Variants in RALYL observed in about 807,000 individuals in gnomAD.
RALYL encodes RNA-binding Raly-like protein.
Under a neutral mutation model 35.1 loss-of-function variants are expected in RALYL, and 29 were observed. The ratio of observed to expected loss-of-function variants is 0.83; its 90% CI spans 0.61 to 1.13. The LOEUF (loss-of-function observed/expected upper bound fraction) is 1.13, where lower values mean the gene tolerates loss of function less well. RALYL is among the 50% of genes most tolerant of loss of function. RALYL has a pLI of 0.00. For missense variants in RALYL, 359 were observed against 360.4 expected, an observed-to-expected ratio of 1.00 and a Z score of 0.03; for synonymous variants, 120 against 127.6, an observed-to-expected ratio of 0.94 and a Z score of 0.40.
intron 1 of RALYL, among the ~76,000 whole-genome samples, chr8:84,330,755 A>AATC (rs1846654791): frequency 6.6e-6 from 1 of 152,058 alleles, no homozygotes; most frequent in African/African-American, 2.4e-5. Context: ...CTTCAATCAT[A>AATC]CTTTTTCAAA....
intron 8 of RALYL, among the ~76,000 whole-genome samples, chr8:84,895,657 C>T (rs1178496031): frequency 6.6e-6 from 1 of 152,026 alleles, no homozygotes; most frequent in African/African-American, 2.4e-5. Context: ...GGATTACAGG[C>T]ACCCACCACC....
At chr8:84,819,009 G>A (rs1233240873) in intron 4 of RALYL, among the ~76,000 whole-genome samples, 1 of 152,016 alleles carries the variant, frequency 6.6e-6, no homozygotes, top group Admixed American at 6.6e-5. Flanking sequence ...CTAACATCAC[G>A]GAATTACTAA....
At chr8:84,215,726 G>A (rs994515265) in intron 1 of RALYL, among the ~76,000 whole-genome samples, 3 of 151,936 alleles carry the variant, frequency 2.0e-5, no homozygotes, top group African/African-American at 7.3e-5. Flanking sequence ...AGGTTTGGTT[G>A]GCTTTAGTGA....
chr8:84,397,708 T>C (rs957743661), intron 1 of RALYL, among the ~76,000 whole-genome samples: 1 of 152,198 alleles, frequency 6.6e-6, no homozygotes, highest in African/African-American at 2.4e-5. Context: ...AATTTAGGTG[T>C]TTCTTCAACT....
chr8:84,764,875 A>G (rs967050269), intron 2 of RALYL, among the ~76,000 whole-genome samples: 2 of 152,182 alleles, frequency 1.3e-5, no homozygotes, highest in African/African-American at 4.8e-5. Context: ...AAACAACAAC[A>G]TTAGAAAGCT....
intron 1 of RALYL, among the ~76,000 whole-genome samples, chr8:84,353,455 T>C (rs1445565546): frequency 1.3e-5 from 2 of 150,496 alleles, no homozygotes; most frequent in Non-Finnish European, 3.0e-5. Context: ...CTATTTTCAA[T>C]CACAAGACTA....
chr8:84,429,519 A>G (rs1042543747), intron 1 of RALYL, among the ~76,000 whole-genome samples: 2 of 152,052 alleles, frequency 1.3e-5, no homozygotes, highest in Non-Finnish European at 2.9e-5. Context: ...CCAAGTCCAC[A>G]TTATATTTTT....
intron 1 of RALYL, among the ~76,000 whole-genome samples, chr8:84,371,755 TA>T (rs997149159): frequency 2.6e-5 from 4 of 152,082 alleles, no homozygotes; most frequent in Admixed American, 2.0e-4. Flanking sequence ...TTTCTAAAGA[TA>T]AATCCTTTGA....
intron 1 of RALYL, among the ~76,000 whole-genome samples, chr8:84,344,158 A>G (rs1021847460): frequency 6.6e-6 from 1 of 152,052 alleles, no homozygotes; most frequent in Non-Finnish European, 1.5e-5. Context: ...TATATTTTAT[A>G]ACAATTGCAA....
At position 84,508,419 on chromosome 8, in the gene RALYL, G is replaced by T. The variant is rs998746242; in HGVS notation, c.-23-20880G>T. Among the ~76,000 whole-genome samples the T allele has an allele frequency of 3.3e-5, 5 of 152,186 alleles. No homozygotes were observed. The South Asian group carries it at 1.0e-3, about 32-fold the overall frequency. Reference sequence around the variant, plus strand: ...AATATCTCCAAATATTTTAGCCTTAGTTCCTTTCTGTAAAAAACAGCACCA... The same window carrying T: ...AATATCTCCAAATATTTTAGCCTTATTTCCTTTCTGTAAAAAACAGCACCA... On this transcript the variant is annotated intron_variant, in intron 1 of 8. Transcript: ENST00000521268.
At chr8:84,804,054 A>G (rs868723316) in intron 3 of RALYL, among the ~76,000 whole-genome samples, 3 of 152,176 alleles carry the variant, frequency 2.0e-5, no homozygotes, top group African/African-American at 2.4e-5. Flanking sequence ...ATTTACTTAC[A>G]TGTTGTAAAA....
intron 1 of RALYL, among the ~76,000 whole-genome samples, chr8:84,287,336 TGAAA>T (rs1399901946): frequency 1.2e-3 from 31 of 25,974 alleles, no homozygotes; most frequent in African/African-American, 4.8e-3. Flanking sequence ...GGAAGATCAT[TGAAA>T]TCGTCAAAAT....
rs938622987 is a variant in RALYL, at chr8:84,728,984, G to T, written c.257-45595G>T. Among the ~76,000 whole-genome samples the T allele has an allele frequency of 1.3e-3, 205 of 152,092 alleles. 1 individual carries two copies. Among genetic ancestry groups the T allele is most frequent in the South Asian group, 2.1e-4 (1 of 4,824 alleles). On this transcript the variant is annotated intron_variant, in intron 2 of 8. Coordinates refer to ENST00000521268, the MANE Select transcript of RALYL (RefSeq NM_173848.7). ...CTCTTTTTTGGTTGCATATGAACTT[G>T]AAAGTAGTTTTTTCCAATTCTGTGA...
intron 2 of RALYL, among the ~76,000 whole-genome samples, chr8:84,531,994 T>G (rs1238341641): frequency 1.3e-5 from 2 of 152,086 alleles, no homozygotes; most frequent in African/African-American, 4.8e-5. Flanking sequence ...TCATTCCTCT[T>G]AGATCCTCTC....
chr8:84,627,503 C>T (rs968674184), intron 2 of RALYL, among the ~76,000 whole-genome samples: 1 of 149,372 alleles, frequency 6.7e-6, no homozygotes, highest in Non-Finnish European at 1.5e-5. Flanking sequence ...TTTTTATCTC[C>T]TAGGGTCTCT....
At chr8:84,721,607 A>G (rs1398636145) in intron 2 of RALYL, among the ~76,000 whole-genome samples, 1 of 152,214 alleles carries the variant, frequency 6.6e-6, no homozygotes, top group South Asian at 2.1e-4. Context: ...TCAATTTTGC[A>G]TCAGTTAGAG....
intron 1 of RALYL, among the ~76,000 whole-genome samples, chr8:84,288,422 CTG>C (rs1838100342): frequency 6.6e-6 from 1 of 152,176 alleles, no homozygotes; most frequent in Non-Finnish European, 1.5e-5. Context: ...TCTATTCAAA[CTG>C]TGACAGGGCC....
chr8:84,612,714 T>C (rs73296145), intron 2 of RALYL, among the ~76,000 whole-genome samples: 12,403 of 151,668 alleles, frequency 0.082, 1,498 homozygotes, highest in African/African-American at 0.24. Context: ...GGAGTATTAC[T>C]TTGTGTGAGT....
intron 1 of RALYL, among the ~76,000 whole-genome samples, chr8:84,308,683 T>A (rs994508999): frequency 1.3e-5 from 2 of 152,176 alleles, no homozygotes. Context: ...TTGTTAAAAG[T>A]GTGATAAAAT....
Sources: gnomAD v4.1 joint callset for allele counts (sites outside exome capture counted in the v4.1 genomes callset) on GRCh38, gnomAD v4.1.1 for gene constraint, MANE v1.5 for transcripts, NCBI Gene and HGNC (gene_info 2026-07-23, HGNC 2026-07-21) for gene names.